The following HECW2 variants were observed in gnomAD, a reference collection of about 807,000 sequenced individuals.
HECW2 encodes HECT, C2 and WW domain containing E3 ubiquitin protein ligase 2.
A neutral mutation model predicts 175.2 loss-of-function variants in HECW2; 61 were observed. The observed-to-expected ratio is 0.35, with a 90% CI of 0.28 to 0.43. The LOEUF (loss-of-function observed/expected upper bound fraction) is 0.43. Among genes scored for constraint, HECW2 ranks in the 20% least tolerant of loss-of-function variants. The pLI is 1.00. For synonymous variants in HECW2, 671 were observed against 731.0 expected (o/e 0.92, Z 1.32); for missense variants, 1,524 against 2,000.5 (o/e 0.76, Z 4.54).
At position 196,587,906 on chromosome 2, in the gene HECW2, C is replaced by T. The variant is rs376294674; in HGVS notation, c.-36+5602G>A. On this transcript the variant is annotated intron_variant, in intron 1 of 28. Transcript: ENST00000644978. ...TGACTTCCCCCTTGTCATTCCACCC[C>T]ATCATGCTGATCTTGCAAATCTTTG... 2.6e-5 allele frequency among the ~76,000 whole-genome samples: 4 copies of T among 152,318 alleles called. No homozygotes were observed. In the South Asian group the frequency reaches 8.3e-4, roughly 32 times the overall value.
Position 196,334,461 on chromosome 2 carries a change from G to A in HECW2, c.458C>T (p.Thr153Met), listed in dbSNP as rs752174006. 47 of 1,609,934 alleles carry A rather than the reference G, an allele frequency of 2.9e-5. No individual in the cohort carries two copies. The highest frequency in any genetic ancestry group is 2.9e-4 in the East Asian group (13 of 44,792). Residue 153 changes from threonine (T) to methionine (M), a missense_variant, in exon 4 of 29, where the codon ACG (threonine) becomes ATG (methionine). By Grantham distance (81) the Thr-to-Met change is moderately conservative. Coordinates refer to ENST00000644978, the MANE Select transcript of HECW2 (RefSeq NM_001348768.2). The part of the protein sequence containing the change: ...YHGISGALRA[T>M]TPCITVKNPA... The stretch of plus-strand genomic sequence containing the variant: ...GTTCTTCACGGTGATGCAGGGGGTC[G>A]TGGCTCGCAGGGCTCCACTAATGCC...
intron 1 of HECW2, among the ~76,000 whole-genome samples, chr2:196,499,012 A>T (rs932168046): frequency 1.3e-5 from 2 of 152,138 alleles, no homozygotes; most frequent in African/African-American, 4.8e-5. Flanking sequence ...CCAACCAATT[A>T]GCCTTCCCTA....
intron 2 of HECW2, among the ~76,000 whole-genome samples, chr2:196,419,522 A>T (rs1695351744): frequency 6.6e-6 from 1 of 152,142 alleles, no homozygotes; most frequent in Non-Finnish European, 1.5e-5. Flanking sequence ...CTCTGAACCC[A>T]TCTCAGGCAT....
At chr2:196,465,648 T>C (rs1042602420) in intron 1 of HECW2, among the ~76,000 whole-genome samples, 1 of 151,492 alleles carries the variant, frequency 6.6e-6, no homozygotes, top group African/African-American at 2.4e-5. Flanking sequence ...TCTCTACAAA[T>C]TCCTGTGCTT....
At chr2:196,549,217 C>T (rs1192803003) in intron 1 of HECW2, among the ~76,000 whole-genome samples, 2 of 152,180 alleles carry the variant, frequency 1.3e-5, no homozygotes, top group Admixed American at 6.5e-5. Flanking sequence ...AAAGGAAACA[C>T]ATGCATAACT....
intron 2 of HECW2, among the ~76,000 whole-genome samples, chr2:196,374,930 A>T (rs934533879): frequency 4.6e-5 from 7 of 152,000 alleles, no homozygotes; most frequent in Non-Finnish European, 1.0e-4. Flanking sequence ...TGGGAGGTCG[A>T]GGTGGGCAGA....
Position 196,200,220 on chromosome 2 carries a change from T to A in HECW2, c.*1057A>T, listed in dbSNP as rs1394945179. Reference sequence around the variant, plus strand: ...ACACGGCACTGTGAAGGAAGTTTGATTTAGAAGCTATTTTCTATTATACTT... The same window carrying A: ...ACACGGCACTGTGAAGGAAGTTTGAATTAGAAGCTATTTTCTATTATACTT... On this transcript the variant is annotated 3_prime_UTR_variant, in exon 29 of 29. Coordinates refer to ENST00000644978, the MANE Select transcript of HECW2 (RefSeq NM_001348768.2). 2.0e-5 allele frequency: 3 copies of A among 152,646 alleles called. No individual in the cohort carries two copies. The highest frequency in any genetic ancestry group is 4.4e-5 in the Non-Finnish European group (3 of 68,014). 9.5% of individuals were successfully genotyped at this position (152,646 alleles called of 1,614,324 possible).
At chr2:196,483,612 T>C (rs1352175757) in intron 1 of HECW2, among the ~76,000 whole-genome samples, 1 of 152,134 alleles carries the variant, frequency 6.6e-6, no homozygotes, top group Non-Finnish European at 1.5e-5. Context: ...AAAGTATAAG[T>C]CTTACCAAAA....
At chr2:196,508,160 G>C (rs1244821696) in intron 1 of HECW2, among the ~76,000 whole-genome samples, 1 of 152,138 alleles carries the variant, frequency 6.6e-6, no homozygotes, top group Non-Finnish European at 1.5e-5. Context: ...ACAAAAGTTA[G>C]GAGACATAAA....
chr2:196,389,565 T>C (rs1694447271), intron 2 of HECW2, among the ~76,000 whole-genome samples: 1 of 152,202 alleles, frequency 6.6e-6, no homozygotes, highest in African/African-American at 2.4e-5. Context: ...CTGGGGAATG[T>C]AACTTGATGA....
chr2:196,523,182 G>A (rs1449629563), intron 1 of HECW2, among the ~76,000 whole-genome samples: 2 of 152,122 alleles, frequency 1.3e-5, no homozygotes, highest in Non-Finnish European at 2.9e-5. Context: ...CCTTGAAGAG[G>A]TCATTCACAT....
At chr2:196,201,427 C>T (rs529702579) in intron 28 of HECW2, 39 bp from the exon 29 acceptor site, 37 of 1,431,932 alleles carry the variant, frequency 2.6e-5, no homozygotes, top group South Asian at 1.1e-4. Context: ...TAGAACAGGC[C>T]GAGTGAAATG....
At chr2:196,478,270 T>C (rs1686726002) in intron 1 of HECW2, among the ~76,000 whole-genome samples, 1 of 152,146 alleles carries the variant, frequency 6.6e-6, no homozygotes, top group Admixed American at 6.5e-5. Context: ...TGAGGAGCTG[T>C]AGGATTTGGA....
At chr2:196,310,218 G>A (rs1377669278) in intron 10 of HECW2, among the ~76,000 whole-genome samples, 2 of 152,148 alleles carry the variant, frequency 1.3e-5, no homozygotes, top group African/African-American at 4.8e-5. Context: ...TGTGCAATGG[G>A]GAGAATAAGA....
At chr2:196,455,807 A>G (rs533694361) in intron 1 of HECW2, among the ~76,000 whole-genome samples, 18 of 152,126 alleles carry the variant, frequency 1.2e-4, no homozygotes, top group Non-Finnish European at 1.5e-5. Context: ...GCAAGACAAA[A>G]GAAATTCAGA....
At chr2:196,532,983 CA>C (rs1450075083) in intron 1 of HECW2, among the ~76,000 whole-genome samples, 3 of 152,160 alleles carry the variant, frequency 2.0e-5, no homozygotes, top group African/African-American at 7.2e-5. Flanking sequence ...AGTCAGATAA[CA>C]TACAGTTTCT....
intron 10 of HECW2, 91 bp downstream of exon 10, chr2:196,317,183 G>T: frequency 2.1e-6 from 2 of 973,822 alleles, no homozygotes; most frequent in Non-Finnish European, 3.2e-6. Flanking sequence ...TGAAGACCAT[G>T]TATCCATCTT....
intron 2 of HECW2, among the ~76,000 whole-genome samples, chr2:196,378,335 C>CTTTATGGTT (rs765423470): frequency 5.2e-4 from 79 of 152,216 alleles, no homozygotes; most frequent in Admixed American, 1.5e-3. Flanking sequence ...AAGAAGAAGC[C>CTTTATGGTT]ACCACAAATG....
chr2:196,216,492 G>A lies in HECW2; in HGVS notation c.4495-515C>T, dbSNP rs113530595. Reference sequence around the variant, plus strand: ...GTCTGGTATTTCTATAGCTGCAACTGATCAGTAATTGTCCTGGATGACCAT... The same window carrying A: ...GTCTGGTATTTCTATAGCTGCAACTAATCAGTAATTGTCCTGGATGACCAT... On this transcript the variant is annotated intron_variant, in intron 27 of 28. Transcript: ENST00000644978. Among the ~76,000 whole-genome samples the A allele has an allele frequency of 1.2e-3, 178 of 150,152 alleles. 1 individual carries two copies. Among genetic ancestry groups the A allele is most frequent in the African/African-American group, 3.7e-3 (152 of 40,778 alleles).
Sources: allele counts gnomAD v4.1 joint callset (sites outside exome capture counted in the v4.1 genomes callset), GRCh38; gene constraint gnomAD v4.1.1; transcripts MANE v1.5; gene names NCBI Gene and HGNC (gene_info 2026-07-23, HGNC 2026-07-21).